Variants in SLC25A26 observed in about 807,000 individuals in gnomAD.
SLC25A26 encodes solute carrier family 25 member 26, also known as mitochondrial S-adenosylmethionine carrier protein.
SLC25A26 carries 36 observed loss-of-function variants against 37.8 expected under a neutral mutation model. The observed-to-expected ratio is 0.95, with a 90% CI of 0.73 to 1.26. SLC25A26 has a LOEUF of 1.26. Ranked by LOEUF, SLC25A26 falls within the 50% of genes most tolerant of loss-of-function variation. SLC25A26 has a pLI of 0.00. For missense variants in SLC25A26, 390 were observed against 331.1 expected (o/e 1.18, Z -1.38); for synonymous variants, 129 against 122.5 (o/e 1.05, Z -0.35).
upstream of SLC25A26, among the ~76,000 whole-genome samples, chr3:66,217,589 C>G (rs2071380486): frequency 6.6e-6 from 1 of 151,778 alleles, no homozygotes; most frequent in Admixed American, 6.6e-5. Flanking sequence ...GCTCTTGTCA[C>G]CCAGGCTGGA....
rs1230484392 is a variant in SLC25A26 at position 66,197,210 on chromosome 3, GAT to G, written c.-353-23520_-353-23519del. Among the ~76,000 whole-genome samples, 159 of 151,500 alleles carry G rather than the reference GAT, an allele frequency of 1.0e-3. 5 individuals carry two copies. The highest frequency in any genetic ancestry group is 3.5e-3 in the African/African-American group (146 of 41,346). On this transcript the variant is annotated intron_variant, in intron 1 of 10. Coordinates refer to the SLC25A26 transcript ENST00000676754. ...ACTTCTGTTTGCCAACCTAAACTCAGATATATATATATACATTGTGTACCTGA... is the reference window on the plus strand; with the variant it reads ...ACTTCTGTTTGCCAACCTAAACTCAGATATATATATACATTGTGTACCTGA...
chr3:66,204,455 GAAA>G (rs2071152129), intron 1 of SLC25A26, among the ~76,000 whole-genome samples: 1 of 133,858 alleles, frequency 7.5e-6, no homozygotes, highest in Non-Finnish European at 1.7e-5. Flanking sequence ...AAAGAAAAAA[GAAA>G]GAAAAAGAAA....
At chr3:66,287,263 T>C (rs1177506047) in intron 5 of SLC25A26, among the ~76,000 whole-genome samples, 1 of 149,654 alleles carries the variant, frequency 6.7e-6, no homozygotes, top group Non-Finnish European at 1.5e-5. Context: ...GCCATTGCAC[T>C]CTAGCCTGGG....
chr3:66,270,677 G>T (rs116314791), intron 5 of SLC25A26, among the ~76,000 whole-genome samples: 2,039 of 152,258 alleles, frequency 0.013, 57 homozygotes, highest in African/African-American at 0.046. Flanking sequence ...TATGAAGAAT[G>T]AATGCTGGTT....
At chr3:66,315,830 CTCT>C (rs1453781082) in intron 5 of SLC25A26, among the ~76,000 whole-genome samples, 1 of 152,080 alleles carries the variant, frequency 6.6e-6, no homozygotes, top group Non-Finnish European at 1.5e-5. Flanking sequence ...GGATAGTTAG[CTCT>C]TCTTCTTGAT....
chr3:66,300,603 T>G (rs1331417777), intron 5 of SLC25A26, among the ~76,000 whole-genome samples: 5 of 152,196 alleles, frequency 3.3e-5, no homozygotes, highest in Non-Finnish European at 5.9e-5. Context: ...GAATAAGGAT[T>G]TATATACATC....
intron 5 of SLC25A26, among the ~76,000 whole-genome samples, chr3:66,331,465 T>C (rs993363635): frequency 1.3e-5 from 2 of 152,202 alleles, no homozygotes; most frequent in Admixed American, 6.5e-5. Context: ...TCCATGCCTA[T>C]CCTTTTATTT....
At chr3:66,257,119 G>A (rs1282961966) in intron 3 of SLC25A26, among the ~76,000 whole-genome samples, 1 of 152,040 alleles carries the variant, frequency 6.6e-6, no homozygotes, top group Admixed American at 6.5e-5. Context: ...GTGTAAGCTA[G>A]TAAGTAAAAA....
intron 6 of SLC25A26, among the ~76,000 whole-genome samples, chr3:66,356,806 T>G (rs1253384963): frequency 6.6e-6 from 1 of 152,106 alleles, no homozygotes; most frequent in African/African-American, 2.4e-5. Flanking sequence ...TTTTAAATTT[T>G]TTTGTAGAGA....
At chr3:66,151,231 A>T (rs1576597740) in intron 1 of SLC25A26, among the ~76,000 whole-genome samples, 1 of 152,154 alleles carries the variant, frequency 6.6e-6, no homozygotes, top group African/African-American at 2.4e-5. Context: ...GTATGTGCCA[A>T]GTCAGCCTTA....
intron 5 of SLC25A26, among the ~76,000 whole-genome samples, chr3:66,302,287 C>G (rs1401985859): frequency 2.6e-5 from 4 of 152,202 alleles, no homozygotes; most frequent in Non-Finnish European, 5.9e-5. Context: ...AAACTACAAG[C>G]TAACATGTTA....
chr3:66,361,771 C>G (rs2076713006), intron 6 of SLC25A26, among the ~76,000 whole-genome samples: 1 of 152,130 alleles, frequency 6.6e-6, no homozygotes, highest in South Asian at 2.1e-4. Context: ...CGACACCAGC[C>G]TGGCCAACAT....
chr3:66,350,231 G>T (rs1249971255), intron 6 of SLC25A26, among the ~76,000 whole-genome samples: 1 of 152,168 alleles, frequency 6.6e-6, no homozygotes, highest in Non-Finnish European at 1.5e-5. Context: ...ACTGCAGGGA[G>T]TAAGGGGCTG....
At chr3:66,343,904 T>C (rs2076263503) in intron 5 of SLC25A26, among the ~76,000 whole-genome samples, 1 of 152,238 alleles carries the variant, frequency 6.6e-6, no homozygotes, top group Non-Finnish European at 1.5e-5. Flanking sequence ...GAATGGATAA[T>C]GTCAGATGCT....
chr3:66,219,899 T>C (rs1005489698), upstream of SLC25A26, among the ~76,000 whole-genome samples: 31 of 152,192 alleles, frequency 2.0e-4, no homozygotes, highest in African/African-American at 7.5e-4. Flanking sequence ...GGAGAAAACT[T>C]AATCTTGGAA....
chr3:66,282,254 A>G (rs928555649), intron 5 of SLC25A26, among the ~76,000 whole-genome samples: 2 of 144,678 alleles, frequency 1.4e-5, no homozygotes, highest in Non-Finnish European at 1.5e-5. Flanking sequence ...CTCATGATCC[A>G]CCCGCCTCGG....
intron 1 of SLC25A26, among the ~76,000 whole-genome samples, chr3:66,215,269 A>C (rs1235561054): frequency 6.6e-6 from 1 of 152,150 alleles, no homozygotes; most frequent in East Asian, 1.9e-4. Flanking sequence ...TGTCATGAAT[A>C]CGGTTCACTA....
At chr3:66,212,467 A>G (rs2071297144) in intron 1 of SLC25A26, among the ~76,000 whole-genome samples, 3 of 152,226 alleles carry the variant, frequency 2.0e-5, no homozygotes, top group African/African-American at 7.2e-5. Context: ...AAGCTTCATA[A>G]TCAGTATATA....
At chr3:66,283,258 T>G (rs992471554) in intron 5 of SLC25A26, among the ~76,000 whole-genome samples, 1 of 152,084 alleles carries the variant, frequency 6.6e-6, no homozygotes, top group African/African-American at 2.4e-5. Context: ...ATATTTAGCT[T>G]TATTAGAAAC....
Sources: allele counts gnomAD v4.1 joint callset (sites outside exome capture counted in the v4.1 genomes callset), GRCh38; gene constraint gnomAD v4.1.1; transcripts MANE v1.5; gene names NCBI Gene and HGNC (gene_info 2026-07-23, HGNC 2026-07-21).